Variants in FRMD6 observed in about 807,000 individuals in gnomAD.
FRMD6 encodes FERM domain-containing protein 6.
A neutral mutation model predicts 73.2 loss-of-function variants in FRMD6; 37 were observed. That is an observed-to-expected ratio of 0.51 (90% CI 0.39 to 0.66). The LOEUF is 0.66. Among genes scored for constraint, FRMD6 ranks in the 30% least tolerant of loss-of-function variants. The probability of loss-of-function intolerance (pLI) is 0.00; values close to 1 mark genes in which losing one functional copy is unlikely to be tolerated. For missense variants in FRMD6, 714 were observed against 780.5 expected, an observed-to-expected ratio of 0.91 and a Z score of 1.02; for synonymous variants, 273 against 282.2, an observed-to-expected ratio of 0.97 and a Z score of 0.33.
rs901848682 is a variant in FRMD6, at chr14:51,586,100, A to T, written c.-147+15690A>T. ...TTTCTTTCCTTTTGGGTATACACCC[A>T]GTCATGGGATTGCTGGTTTAAACGA... On this transcript the variant is annotated intron_variant, in intron 2 of 14. Transcript: ENST00000356218. 3.3e-5 allele frequency among the ~76,000 whole-genome samples: 5 copies of T among 151,604 alleles called. No individual in the cohort carries two copies. In the South Asian group the frequency reaches 1.0e-3, roughly 32 times the overall value.
chr14:51,542,735 G>A (rs1886267907), intron 1 of FRMD6, among the ~76,000 whole-genome samples: 1 of 152,018 alleles, frequency 6.6e-6, no homozygotes, highest in East Asian at 1.9e-4. Flanking sequence ...GTTTCCACCA[G>A]CAGCAATGTG....
At chr14:51,518,941 A>G (rs1427517512) in intron 1 of FRMD6, among the ~76,000 whole-genome samples, 1 of 152,248 alleles carries the variant, frequency 6.6e-6, no homozygotes, top group African/African-American at 2.4e-5. Flanking sequence ...TTGACACTTC[A>G]TTCATGCATG....
the FRMD6 span, among the ~76,000 whole-genome samples, chr14:51,419,450 A>G: frequency 1.3e-5 from 2 of 152,190 alleles, no homozygotes; most frequent in African/African-American, 4.8e-5. Flanking sequence ...CCCAGCTGCC[A>G]TGGTCAAATT....
intron 1 of FRMD6, among the ~76,000 whole-genome samples, chr14:51,553,023 C>A (rs1291759202): frequency 6.6e-6 from 1 of 152,162 alleles, no homozygotes; most frequent in Admixed American, 6.5e-5. Flanking sequence ...ACTGCCAATA[C>A]CTGTGACCTG....
At chr14:51,497,123 T>C (rs1320351477) in intron 1 of FRMD6, among the ~76,000 whole-genome samples, 1 of 152,166 alleles carries the variant, frequency 6.6e-6, no homozygotes, top group African/African-American at 2.4e-5. Flanking sequence ...CATATGTATC[T>C]GGGCACATAT....
At chr14:51,499,518 A>G (rs1883483187) in intron 1 of FRMD6, among the ~76,000 whole-genome samples, 1 of 152,254 alleles carries the variant, frequency 6.6e-6, no homozygotes, top group Admixed American at 6.5e-5. Context: ...AGATGAGGAA[A>G]TAAAGCACAG....
chr14:51,548,533 A>G (rs1886601984), intron 1 of FRMD6, among the ~76,000 whole-genome samples: 2 of 152,190 alleles, frequency 1.3e-5, no homozygotes, highest in African/African-American at 4.8e-5. Flanking sequence ...AGTATGTTTA[A>G]TTCTCCGTGG....
chr14:51,474,887 G>A, the FRMD6 span, among the ~76,000 whole-genome samples: 2 of 152,306 alleles, frequency 1.3e-5, no homozygotes, highest in East Asian at 3.9e-4. Flanking sequence ...AAAGATTTAG[G>A]TTCTATTATC....
chr14:51,572,407 G>A (rs990300995), intron 2 of FRMD6, among the ~76,000 whole-genome samples: 2 of 152,188 alleles, frequency 1.3e-5, no homozygotes, highest in Admixed American at 1.3e-4. Context: ...ATGAATAACA[G>A]TTATATATGA....
chr14:51,431,901 A>T, the FRMD6 span, among the ~76,000 whole-genome samples: 2 of 152,202 alleles, frequency 1.3e-5, no homozygotes, highest in African/African-American at 4.8e-5. Context: ...TATCCCTTTT[A>T]AAGTCACCCA....
chr14:51,673,826 G>A (rs973595766), intron 1 of FRMD6, among the ~76,000 whole-genome samples: 2 of 152,220 alleles, frequency 1.3e-5, no homozygotes, highest in Non-Finnish European at 2.9e-5. Flanking sequence ...GCCAGTGGAA[G>A]TTTGTAGATT....
the FRMD6 span, chr14:51,437,072 G>C: frequency 2.5e-6 from 1 of 400,962 alleles, no homozygotes; most frequent in Non-Finnish European, 4.7e-6. Flanking sequence ...TGCCATGTTG[G>C]TTTGCTGCAC....
intron 1 of FRMD6, among the ~76,000 whole-genome samples, chr14:51,553,913 C>T (rs1332703239): frequency 6.6e-6 from 1 of 152,064 alleles, no homozygotes; most frequent in Non-Finnish European, 1.5e-5. Flanking sequence ...CAAAATAGCA[C>T]CCTAATATCT....
intron 2 of FRMD6, among the ~76,000 whole-genome samples, chr14:51,645,905 G>A (rs886619056): frequency 2.6e-5 from 4 of 152,182 alleles, no homozygotes; most frequent in African/African-American, 9.7e-5. Flanking sequence ...TGGAACTTTT[G>A]TTGGTATTCT....
chr14:51,436,644 CCTGGTTTA>C, the FRMD6 span: 1 of 535,068 alleles, frequency 1.9e-6, no homozygotes. Flanking sequence ...GAGTTTTTTA[CCTGGTTTA>C]CTGACCATTC....
At chr14:51,557,207 A>G (rs923099665) in intron 1 of FRMD6, among the ~76,000 whole-genome samples, 14 of 151,872 alleles carry the variant, frequency 9.2e-5, no homozygotes, top group African/African-American at 3.1e-4. Context: ...AAGATATGTA[A>G]TCAACCTAGG....
chr14:51,620,080 G>T (rs1229210379), intron 2 of FRMD6, among the ~76,000 whole-genome samples: 3 of 152,082 alleles, frequency 2.0e-5, no homozygotes, highest in Non-Finnish European at 4.4e-5. Flanking sequence ...CTAAACTAAA[G>T]GTCTATGTGA....
chr14:51,468,196 C>T, the FRMD6 span, among the ~76,000 whole-genome samples: 1 of 151,692 alleles, frequency 6.6e-6, no homozygotes, highest in Non-Finnish European at 1.5e-5. Flanking sequence ...CAGGCTGAGG[C>T]AGGAGAATCA....
At chr14:51,486,853 A>G (rs992733687), upstream of FRMD6, among the ~76,000 whole-genome samples, 1 of 152,184 alleles carries the variant, frequency 6.6e-6, no homozygotes, top group African/African-American at 2.4e-5. Flanking sequence ...GCAATGCTAT[A>G]TATGCTAGGC....
Sources: allele counts gnomAD v4.1 joint callset (sites outside exome capture counted in the v4.1 genomes callset), GRCh38; gene constraint gnomAD v4.1.1; transcripts MANE v1.5; gene names NCBI Gene and HGNC (gene_info 2026-07-23, HGNC 2026-07-21).